The following TRDN variants were observed in gnomAD, a reference collection of about 807,000 sequenced individuals.
The protein encoded by TRDN is triadin.
A neutral mutation model predicts 149.7 loss-of-function variants in TRDN; 161 were observed. That is an observed-to-expected ratio of 1.08 (90% CI 0.95 to 1.23). TRDN has a LOEUF of 1.23. TRDN is among the 50% of genes most tolerant of loss of function. The pLI, the probability that TRDN is intolerant of heterozygous loss-of-function variation, is 0.00. For synonymous variants in TRDN, 294 were observed against 250.5 expected, an observed-to-expected ratio of 1.17 and a Z score of -1.64; for missense variants, 896 against 823.5, an observed-to-expected ratio of 1.09 and a Z score of -1.08.
At chr6:123,398,454 C>A (rs1378870301) in intron 12 of TRDN, among the ~76,000 whole-genome samples, 2 of 152,158 alleles carry the variant, frequency 1.3e-5, no homozygotes, top group African/African-American at 4.8e-5. Flanking sequence ...ATATATACAT[C>A]CTTTATTTTT....
At chr6:123,319,916 T>C (rs1779180381) in intron 23 of TRDN, among the ~76,000 whole-genome samples, 1 of 152,086 alleles carries the variant, frequency 6.6e-6, no homozygotes, top group Non-Finnish European at 1.5e-5. Flanking sequence ...CAATAGTGTT[T>C]TCAAGTAGAA....
chr6:123,362,372 T>C (rs1780939209), intron 20 of TRDN, among the ~76,000 whole-genome samples: 1 of 152,144 alleles, frequency 6.6e-6, no homozygotes. Flanking sequence ...ACTTACAATT[T>C]TTCATCACCT....
chr6:123,618,057 T>C (rs2114701338), intron 1 of TRDN, among the ~76,000 whole-genome samples: 1 of 152,272 alleles, frequency 6.6e-6, no homozygotes, highest in South Asian at 2.1e-4. Context: ...AAATTTGCCA[T>C]TCTCCTATGC....
intron 19 of TRDN, 82 bp downstream of exon 19, chr6:123,375,523 G>A (rs1781471612): frequency 8.5e-7 from 1 of 1,180,658 alleles, no homozygotes. Context: ...CTCAAAATTA[G>A]CATTAGCATA....
At chr6:123,541,015 A>G (rs1369362400) in intron 4 of TRDN, among the ~76,000 whole-genome samples, 1 of 152,232 alleles carries the variant, frequency 6.6e-6, no homozygotes, top group African/African-American at 2.4e-5. Context: ...GCAGTCAACT[A>G]GCACATTAGT....
In TRDN at chr6:123,217,665, A is replaced by G. The variant is rs1775005903; in HGVS notation, c.*936T>C. The G allele has an allele frequency of 6.6e-6, 1 of 152,018 alleles. No individual in the cohort carries two copies. The highest frequency in any genetic ancestry group is 2.4e-5 in the African/African-American group (1 of 41,430). 9.4% of individuals were successfully genotyped at this position (152,018 alleles called of 1,614,324 possible). On this transcript the variant is annotated 3_prime_UTR_variant, in exon 41 of 41. Transcript: ENST00000334268. ...GCTAAAATGAATTCCTTAAACTTTGATGGCATTCATATTTTGCCATTATGA... is the reference window on the plus strand; with the variant it reads ...GCTAAAATGAATTCCTTAAACTTTGGTGGCATTCATATTTTGCCATTATGA...
At chr6:123,324,198 A>T (rs1368236909) in intron 23 of TRDN, among the ~76,000 whole-genome samples, 1 of 152,194 alleles carries the variant, frequency 6.6e-6, no homozygotes, top group African/African-American at 2.4e-5. Context: ...CTTGAATTTG[A>T]AGTAAGAATA....
chr6:123,446,242 G>A (rs1035016435), intron 10 of TRDN, among the ~76,000 whole-genome samples: 2 of 151,408 alleles, frequency 1.3e-5, no homozygotes, highest in African/African-American at 4.9e-5. Flanking sequence ...GTTGTGGGGT[G>A]GGGGGAGTGG....
intron 9 of TRDN, among the ~76,000 whole-genome samples, chr6:123,485,418 G>T (rs1349080377): frequency 2.0e-5 from 3 of 151,796 alleles, no homozygotes; most frequent in Non-Finnish European, 4.4e-5. Context: ...TTTTTTCATT[G>T]AAATAAATAT....
At position 123,457,057 on chromosome 6, in the gene TRDN, A is replaced by G. The variant is rs147768534; in HGVS notation, c.931+7849T>C. Among the ~76,000 whole-genome samples, 18 of 152,384 alleles carry G rather than the reference A, an allele frequency of 1.2e-4. No homozygotes were observed. In the East Asian group the frequency reaches 2.1e-3, roughly 18 times the overall value. On this transcript the variant is annotated intron_variant, in intron 10 of 40. Coordinates refer to ENST00000334268, the MANE Select transcript of TRDN (RefSeq NM_006073.4). The stretch of plus-strand genomic sequence containing the variant: ...ACAAGGAAGTTTCACTTAGAATTCC[A>G]TAACAAGAAAGAGATTAGATCAAAT...
chr6:123,357,090 T>C (rs971198610), intron 20 of TRDN, among the ~76,000 whole-genome samples: 1 of 151,958 alleles, frequency 6.6e-6, no homozygotes, highest in African/African-American at 2.4e-5. Context: ...TTCTGATGAA[T>C]GTTTCTAAAA....
intron 5 of TRDN, among the ~76,000 whole-genome samples, chr6:123,517,229 TA>T (rs1374478447): frequency 6.6e-6 from 1 of 152,118 alleles, no homozygotes; most frequent in African/African-American, 2.4e-5. Context: ...AAATGACATT[TA>T]AGAGTATGAG....
At chr6:123,563,275 A>C (rs1433183580) in intron 2 of TRDN, among the ~76,000 whole-genome samples, 1 of 152,208 alleles carries the variant, frequency 6.6e-6, no homozygotes, top group Admixed American at 6.5e-5. Flanking sequence ...TGTGCGACAG[A>C]TGTTTAAACC....
intron 24 of TRDN, 110 bp from the exon 25 acceptor site, chr6:123,279,192 C>T (rs1777491301): frequency 7.3e-6 from 6 of 818,272 alleles, no homozygotes; most frequent in South Asian, 2.3e-5. Flanking sequence ...ACAATGTAGA[C>T]CCCACCTATC....
chr6:123,452,944 C>T (rs577339434), intron 10 of TRDN, among the ~76,000 whole-genome samples: 1 of 151,974 alleles, frequency 6.6e-6, no homozygotes, highest in East Asian at 1.9e-4. Flanking sequence ...CATAAATAAA[C>T]CCGAATACTT....
In TRDN at chr6:123,228,422, G is replaced by T. The variant is rs144968084; in HGVS notation, c.1976-4291C>A. On this transcript the variant is annotated intron_variant, in intron 38 of 40. Transcript: ENST00000334268. The stretch of plus-strand genomic sequence containing the variant: ...TGACTCACATTTCAGCCTGGCTGAA[G>T]AGGCCTCAGGAAACTTACATCACGG... Among the ~76,000 whole-genome samples, 429 of 152,032 alleles carry T rather than the reference G, an allele frequency of 2.8e-3. 5 individuals are homozygous for T. The highest frequency in any genetic ancestry group is 0.01 in the African/African-American group (416 of 41,536).
chr6:123,573,708 T>C (rs940303598), intron 1 of TRDN, among the ~76,000 whole-genome samples: 6 of 152,068 alleles, frequency 3.9e-5, no homozygotes, highest in African/African-American at 1.4e-4. Flanking sequence ...GAGGCTGTTT[T>C]ATCCCATTAG....
At chr6:123,347,165 T>C (rs187828411) in intron 21 of TRDN, among the ~76,000 whole-genome samples, 6 of 152,170 alleles carry the variant, frequency 3.9e-5, no homozygotes, top group Non-Finnish European at 8.8e-5. Context: ...TGATAAGGAT[T>C]TAAAGATCCT....
At chr6:123,265,890 C>A (rs528706411) in intron 32 of TRDN, among the ~76,000 whole-genome samples, 1 of 146,862 alleles carries the variant, frequency 6.8e-6, no homozygotes, top group South Asian at 2.1e-4. Context: ...TCCAATATAA[C>A]ATGTCTTCTA....
Sources: allele counts gnomAD v4.1 joint callset (sites outside exome capture counted in the v4.1 genomes callset), GRCh38; gene constraint gnomAD v4.1.1; transcripts MANE v1.5; gene names NCBI Gene and HGNC (gene_info 2026-07-23, HGNC 2026-07-21).